Variants in TMEM132C observed in about 807,000 individuals in gnomAD.
The protein encoded by TMEM132C is transmembrane protein 132C.
A neutral mutation model predicts 61.4 loss-of-function variants in TMEM132C; 29 were observed. The ratio of observed to expected loss-of-function variants is 0.47; its 90% CI spans 0.35 to 0.64. The LOEUF (loss-of-function observed/expected upper bound fraction) is 0.64. TMEM132C is among the 30% of genes least tolerant of loss of function. The probability of loss-of-function intolerance (pLI) is 0.00; values close to 1 mark genes in which losing one functional copy is unlikely to be tolerated. For missense variants in TMEM132C, 1,408 were observed against 1,476.9 expected, an observed-to-expected ratio of 0.95 and a Z score of 0.76; for synonymous variants, 656 against 633.1, an observed-to-expected ratio of 1.04 and a Z score of -0.54.
At chr12:128,551,872 G>A (rs1169172143) in intron 3 of TMEM132C, among the ~76,000 whole-genome samples, 1 of 152,180 alleles carries the variant, frequency 6.6e-6, no homozygotes, top group African/African-American at 2.4e-5. Flanking sequence ...AGGGAAGAGC[G>A]GACCCTGGCT....
chr12:128,702,648 A>G (rs532488821), intron 8 of TMEM132C, among the ~76,000 whole-genome samples: 13 of 152,312 alleles, frequency 8.5e-5, no homozygotes, highest in Admixed American at 7.8e-4. Context: ...TTGCATTTGC[A>G]CAGGTCCAAC....
chr12:128,634,716 G>A (rs866361426), intron 4 of TMEM132C, among the ~76,000 whole-genome samples: 19 of 152,270 alleles, frequency 1.2e-4, no homozygotes, highest in Middle Eastern at 3.4e-3. Context: ...ACTTTCCTTC[G>A]TTACAGAGAA....
At chr12:128,335,227 C>T (rs561693101) in intron 1 of TMEM132C, among the ~76,000 whole-genome samples, 47 of 152,154 alleles carry the variant, frequency 3.1e-4, no homozygotes, top group African/African-American at 7.7e-4. Context: ...GATAATATTG[C>T]GATAGGGGAT....
At chr12:128,556,873 C>T (rs1201567154) in intron 3 of TMEM132C, among the ~76,000 whole-genome samples, 1 of 152,110 alleles carries the variant, frequency 6.6e-6, no homozygotes, top group Non-Finnish European at 1.5e-5. Flanking sequence ...AGACCCAAGC[C>T]AAAGACACCC....
intron 3 of TMEM132C, among the ~76,000 whole-genome samples, chr12:128,588,938 A>C (rs1875649420): frequency 1.3e-5 from 2 of 152,172 alleles, no homozygotes. Flanking sequence ...TTGCAAACTC[A>C]TGACACCGTG....
In TMEM132C at chr12:128,682,751, C is replaced by T. The variant is rs115913887; in HGVS notation, c.1450-11078C>T. 2.0e-3 allele frequency among the ~76,000 whole-genome samples: 308 copies of T among 152,360 alleles called. 3 individuals carry two copies. Among genetic ancestry groups the T allele is most frequent in the African/African-American group, 6.2e-3 (258 of 41,582 alleles). ...CCAGAGCTGCCATAACACAGTGCCA[C>T]ACACTGGTGACTTAAACAACAGATA... On this transcript the variant is annotated intron_variant, in intron 5 of 8. Transcript: ENST00000435159.
At chr12:128,550,117 T>C (rs1173366738) in intron 3 of TMEM132C, among the ~76,000 whole-genome samples, 1 of 152,208 alleles carries the variant, frequency 6.6e-6, no homozygotes, top group Admixed American at 6.5e-5. Flanking sequence ...ACAGACTGGT[T>C]GGCTTAAAAC....
At chr12:128,658,721 T>A (rs1166433608) in intron 4 of TMEM132C, among the ~76,000 whole-genome samples, 1 of 152,202 alleles carries the variant, frequency 6.6e-6, no homozygotes, top group Non-Finnish European at 1.5e-5. Context: ...CAACCACTTA[T>A]AAAGTTCTCC....
intron 2 of TMEM132C, among the ~76,000 whole-genome samples, chr12:128,421,688 A>G (rs1174007977): frequency 2.6e-5 from 4 of 152,244 alleles, no homozygotes; most frequent in African/African-American, 7.2e-5. Context: ...TTTATAATCA[A>G]ATTAGTTCAT....
intron 2 of TMEM132C, among the ~76,000 whole-genome samples, chr12:128,533,497 G>A (rs1056257575): frequency 2.0e-5 from 3 of 152,146 alleles, no homozygotes; most frequent in African/African-American, 7.2e-5. Flanking sequence ...TCAGGGTGTT[G>A]GCAGGGTTGA....
intron 1 of TMEM132C, among the ~76,000 whole-genome samples, chr12:128,355,497 G>A (rs936238691): frequency 3.9e-5 from 6 of 151,948 alleles, no homozygotes; most frequent in East Asian, 1.9e-4. Flanking sequence ...ACTGGCTGCC[G>A]TAAACTCTGC....
chr12:128,416,933 G>A (rs903250945), intron 2 of TMEM132C, among the ~76,000 whole-genome samples: 1 of 152,142 alleles, frequency 6.6e-6, no homozygotes, highest in East Asian at 1.9e-4. Context: ...GATTCTCATT[G>A]CATTTGCATT....
chr12:128,483,446 C>A (rs1055603581), intron 2 of TMEM132C, among the ~76,000 whole-genome samples: 1 of 151,988 alleles, frequency 6.6e-6, no homozygotes, highest in African/African-American at 2.4e-5. Flanking sequence ...ATTCTCCACA[C>A]TGCATGGTTA....
rs72373120 is a variant in TMEM132C at position 128,433,002 on chromosome 12, AAAATAAATAAAT to A, written c.974+17414_974+17425del. ...TGAGGCAAGACCCTCCACCAGCCAA[AAAATAAATAAAT>A]AAATAAATAAATAAATAAATAAATA... On this transcript the variant is annotated intron_variant, in intron 2 of 8. Transcript: ENST00000435159. Among the ~76,000 whole-genome samples, 233 of 146,572 alleles carry A rather than the reference AAAATAAATAAAT, an allele frequency of 1.6e-3. 1 individual carries two copies. Among genetic ancestry groups the A allele is most frequent in the Middle Eastern group, 0.014 (4 of 288 alleles).
chr12:128,604,451 A>AG lies in TMEM132C; in HGVS notation c.1122-11701_1122-11700insG, dbSNP rs59194598. Among the ~76,000 whole-genome samples, 336 of 141,624 alleles carry AG rather than the reference A, an allele frequency of 2.4e-3. 1 individual carries two copies. Among genetic ancestry groups the AG allele is most frequent in the African/African-American group, 8.4e-3 (319 of 38,072 alleles). The allele number at this position is 141,624 out of a possible 152,430, so 92.9% of individuals were successfully genotyped here. On this transcript the variant is annotated intron_variant, in intron 3 of 8. Transcript: ENST00000435159. ...TAGATAGATAGATAGATAGATAGAT[A>AG]ATAGATGGATAGATAGATGATACAA...
intron 2 of TMEM132C, among the ~76,000 whole-genome samples, chr12:128,496,464 G>A (rs1871962850): frequency 1.3e-5 from 2 of 152,060 alleles, no homozygotes; most frequent in African/African-American, 2.4e-5. Context: ...TCACTTTCAG[G>A]TACACCAATC....
At chr12:128,571,495 A>T (rs943433070) in intron 3 of TMEM132C, among the ~76,000 whole-genome samples, 1 of 151,982 alleles carries the variant, frequency 6.6e-6, no homozygotes, top group Non-Finnish European at 1.5e-5. Context: ...ACCACCATCC[A>T]CCTCCAAAAT....
At chr12:128,453,589 A>G (rs182915646) in intron 2 of TMEM132C, among the ~76,000 whole-genome samples, 10 of 152,300 alleles carry the variant, frequency 6.6e-5, no homozygotes, top group Non-Finnish European at 1.3e-4. Context: ...AGCAGTGACA[A>G]AGTCATGTTG....
At chr12:128,671,662 A>G (rs1593143255) in intron 5 of TMEM132C, among the ~76,000 whole-genome samples, 1 of 152,114 alleles carries the variant, frequency 6.6e-6, no homozygotes, top group Non-Finnish European at 1.5e-5. Flanking sequence ...GCAATAGACC[A>G]CCATGCTAGA....
Sources: allele counts gnomAD v4.1 joint callset (sites outside exome capture counted in the v4.1 genomes callset), GRCh38; gene constraint gnomAD v4.1.1; transcripts MANE v1.5; gene names NCBI Gene and HGNC (gene_info 2026-07-23, HGNC 2026-07-21).